The following NEK8 variants were observed in gnomAD, a reference collection of about 807,000 sequenced individuals.
NEK8 encodes the protein NIMA related kinase 8.
In NEK8, 51 loss-of-function variants were observed where a neutral mutation model predicts 77.2. The observed-to-expected ratio is 0.66, with a 90% confidence interval of 0.53 to 0.83. The LOEUF is 0.83. NEK8 is among the 40% of genes least tolerant of loss of function. The pLI is 0.00. For missense variants in NEK8, 787 were observed against 909.2 expected, an observed-to-expected ratio of 0.87 and a Z score of 1.73; for synonymous variants, 365 against 363.2, an observed-to-expected ratio of 1.00 and a Z score of -0.06.
In NEK8 at chr17:28,737,123, G is replaced by T; in HGVS notation, c.619-183G>T. On this transcript the variant is annotated intron_variant, in intron 4 of 14. Coordinates refer to ENST00000268766, the MANE Select transcript of NEK8 (RefSeq NM_178170.3). This position sits in a 1 kb window ranked among gnomAD's most constrained non-coding sequence, Gnocchi z 4.8. ...TCTGAGGGCTCTGTTCTGTTCCATT[G>T]GTCTATATCTCTGTTTTGGTACCAG... Among the ~76,000 whole-genome samples, 1 of 152,170 alleles carries T rather than the reference G, an allele frequency of 6.6e-6. No individual in the cohort carries two copies. Among genetic ancestry groups the T allele is most frequent in the Non-Finnish European group, 1.5e-5 (1 of 68,016 alleles).
chr17:28,733,591 G>C (rs138052517), intron 1 of NEK8, among the ~76,000 whole-genome samples: 182 of 152,294 alleles, frequency 1.2e-3, no homozygotes, highest in Non-Finnish European at 2.0e-3. Flanking sequence ...CTTTGTGCTG[G>C]TCACTGCACT....
rs770059563 is a variant in NEK8, at chr17:28,742,942, G to C, written c.*955G>C. On this transcript the variant is annotated 3_prime_UTR_variant, in exon 15 of 15. Coordinates refer to ENST00000268766, the MANE Select transcript of NEK8 (RefSeq NM_178170.3). ...ACAAAAATTAACCAGGCATGGTGAC[G>C]GGCGCCTGTAATCCCAGCTACTCTG... 6.6e-6 allele frequency: 1 copy of C among 151,630 alleles called. No individual in the cohort carries two copies. Among genetic ancestry groups the C allele is most frequent in the Non-Finnish European group, 1.5e-5 (1 of 67,910 alleles). The allele number at this position is 151,630 out of a possible 1,614,324, so 9.4% of individuals were successfully genotyped here. A position where few individuals can be genotyped will look rare whatever the true frequency, so the allele number is the denominator to read the frequency against.
At position 28,742,098 on chromosome 17, in the gene NEK8, A is replaced by G; in HGVS notation, c.*111A>G. The stretch of plus-strand genomic sequence containing the variant: ...CAGCTGTCTCCTGGATTGTGTCATC[A>G]TGGGGTATCAGGGCTGGCAAAACCC... On this transcript the variant is annotated 3_prime_UTR_variant, in exon 15 of 15. Coordinates refer to ENST00000268766, the MANE Select transcript of NEK8 (RefSeq NM_178170.3). 1 of 1,119,490 alleles carries G rather than the reference A, an allele frequency of 8.9e-7. No individual in the cohort carries two copies. Among genetic ancestry groups the G allele is most frequent in the Non-Finnish European group, 1.4e-6 (1 of 729,470 alleles). The allele number at this position is 1,119,490 out of a possible 1,614,324, so 69.3% of individuals were successfully genotyped here. A position where few individuals can be genotyped will look rare whatever the true frequency, so the allele number is the denominator to read the frequency against.
chr17:28,737,476 C>T lies in NEK8; in HGVS notation c.789C>T (p.Leu263=). ...MAQPLCIRAL[L]NLHTDVGSVR... ...AGCCCCTCTGCATCCGTGCCCTCCT[C>T]AACCTCCACACCGACGTGGGCAGTG... The change falls in exon 5 of 15, where the codon CTC becomes CTT. Residue 263 remains leucine (L), a synonymous_variant. Transcript: ENST00000268766. The surrounding 1 kb of genome is among the most constrained non-coding windows in gnomAD (Gnocchi z 4.8). 6.2e-7 allele frequency: 1 copy of T among 1,613,120 alleles called. No individual in the cohort carries two copies. The highest frequency in any genetic ancestry group is 1.1e-5 in the South Asian group (1 of 91,088).
chr17:28,730,516 C>T (rs919747217), intron 1 of NEK8, among the ~76,000 whole-genome samples: 8 of 152,120 alleles, frequency 5.3e-5, no homozygotes, highest in Non-Finnish European at 1.2e-4. Context: ...TCAGGCGATC[C>T]ACCTGCTTCT....
At position 28,737,241 on chromosome 17, in the gene NEK8, C is replaced by A; in HGVS notation, c.619-65C>A. 6.6e-7 allele frequency: 1 copy of A among 1,509,414 alleles called. No individual in the cohort carries two copies. Among genetic ancestry groups the A allele is most frequent in the Non-Finnish European group, 9.0e-7 (1 of 1,111,954 alleles). 93.5% of individuals were successfully genotyped at this position (1,509,414 alleles called of 1,614,324 possible). ...GCAAAGCTGTTATTATCCCAGGAGA[C>A]CAGGGGCTGGAGCTGGGGGGTGCTG... On this transcript the variant is annotated intron_variant, in intron 4 of 14. Coordinates refer to ENST00000268766, the MANE Select transcript of NEK8 (RefSeq NM_178170.3). This position sits in a 1 kb window ranked among gnomAD's most constrained non-coding sequence, Gnocchi z 4.8.
chr17:28,731,736 T>A (rs1015445861), intron 1 of NEK8, among the ~76,000 whole-genome samples: 1 of 149,528 alleles, frequency 6.7e-6, no homozygotes, highest in Non-Finnish European at 1.5e-5. Context: ...CCCTAGCAGC[T>A]GGAACTACAG....
rs980896989 is a variant in NEK8, at chr17:28,728,986, C to G, written c.47+126C>G. On this transcript the variant is annotated intron_variant, in intron 1 of 14. Coordinates refer to ENST00000268766, the MANE Select transcript of NEK8 (RefSeq NM_178170.3). ...TGAGCGCCACTCTGGGAAGCCCCGCCCAAGCTTCCGGTCCCAGTCCCCCGG... is the reference window on the plus strand; with the variant it reads ...TGAGCGCCACTCTGGGAAGCCCCGCGCAAGCTTCCGGTCCCAGTCCCCCGG... The G allele has an allele frequency of 1.4e-5, 12 of 882,934 alleles. 2 individuals carry two copies. Among genetic ancestry groups the G allele is most frequent in the South Asian group, 1.3e-4 (9 of 68,482 alleles). 54.7% of individuals were successfully genotyped at this position (882,934 alleles called of 1,614,324 possible).
Position 28,741,043 on chromosome 17 carries a change from T to C in NEK8, c.1733-35T>C. The C allele has an allele frequency of 6.2e-7, 1 of 1,614,146 alleles. No individual in the cohort carries two copies. The highest frequency in any genetic ancestry group is 1.1e-5 in the South Asian group (1 of 91,088). On this transcript the variant is annotated intron_variant, in intron 12 of 14. Transcript: ENST00000268766. This position sits in a 1 kb window ranked among gnomAD's most constrained non-coding sequence, Gnocchi z 4.5. ...GGGACTCACGGTCTCCTTGGTACCC[T>C]GTTGAAGCACCCCTTTCCTTCCTCT...
At position 28,740,673 on chromosome 17, in the gene NEK8, G is replaced by A. The variant is rs757493338; in HGVS notation, c.1568+60G>A. Reference sequence around the variant, plus strand: ...GGCTCTCCTTGGCTGCAAGTGCTCCGTCCATCATTGCCTACCTTTCACCAA... The same window carrying A: ...GGCTCTCCTTGGCTGCAAGTGCTCCATCCATCATTGCCTACCTTTCACCAA... On this transcript the variant is annotated intron_variant, in intron 11 of 14. Transcript: ENST00000268766. This position sits in a 1 kb window ranked among gnomAD's most constrained non-coding sequence, Gnocchi z 4.7. 4.0e-4 allele frequency: 636 copies of A among 1,597,944 alleles called. No homozygotes were observed. The highest frequency in any genetic ancestry group is 5.2e-4 in the Non-Finnish European group (602 of 1,165,870).
At chr17:28,736,954 G>A (rs1207000901) in intron 4 of NEK8, among the ~76,000 whole-genome samples, 1 of 152,170 alleles carries the variant, frequency 6.6e-6, no homozygotes, top group Admixed American at 6.5e-5. Context: ...TGTATAAGGT[G>A]TAAGGAAGGG....
In NEK8 at chr17:28,742,092, G is replaced by T; in HGVS notation, c.*105G>T. ...GACTTGCAGCTGTCTCCTGGATTGTGTCATCATGGGGTATCAGGGCTGGCA... is the reference window on the plus strand; with the variant it reads ...GACTTGCAGCTGTCTCCTGGATTGTTTCATCATGGGGTATCAGGGCTGGCA... On this transcript the variant is annotated 3_prime_UTR_variant, in exon 15 of 15. Transcript: ENST00000268766. The T allele has an allele frequency of 1.7e-6, 2 of 1,149,690 alleles. No individual in the cohort carries two copies. The highest frequency in any genetic ancestry group is 1.3e-6 in the Non-Finnish European group (1 of 756,756). 71.2% of individuals were successfully genotyped at this position (1,149,690 alleles called of 1,614,324 possible).
At chr17:28,739,310 C>A in intron 10 of NEK8, 109 bp downstream of exon 10, 1 of 813,636 alleles carries the variant, frequency 1.2e-6, no homozygotes, top group South Asian at 1.3e-5. Context: ...TCTTTTCTCT[C>A]AAATTCTCTT....
intron 4 of NEK8, 45 bp downstream of exon 4, chr17:28,735,416 C>A: frequency 6.3e-7 from 1 of 1,597,292 alleles, no homozygotes. Flanking sequence ...AATCTACTGC[C>A]TCGCCCAGCA....
rs62066806 is a variant in NEK8, at chr17:28,741,936, G to C, written c.2051-23G>C. On this transcript the variant is annotated intron_variant, in intron 14 of 14. Coordinates refer to ENST00000268766, the MANE Select transcript of NEK8 (RefSeq NM_178170.3). This position sits in a 1 kb window ranked among gnomAD's most constrained non-coding sequence, Gnocchi z 4.5. Reference sequence around the variant, plus strand: ...AGGCACTGCCCTCAGAAGCTGCAAGGGTTTCTCTTCGGTACCCTCCAGCGG... The same window carrying C: ...AGGCACTGCCCTCAGAAGCTGCAAGCGTTTCTCTTCGGTACCCTCCAGCGG... 11,303 of 1,613,892 alleles carry C rather than the reference G, an allele frequency of 7.0e-3. 51 individuals carry two copies. Among genetic ancestry groups the C allele is most frequent in the Non-Finnish European group, 8.5e-3 (10,000 of 1,179,860 alleles).
At chr17:28,736,407 C>T (rs1402292899) in intron 4 of NEK8, among the ~76,000 whole-genome samples, 1 of 152,166 alleles carries the variant, frequency 6.6e-6, no homozygotes, top group Non-Finnish European at 1.5e-5. Context: ...TAAAAGTGTT[C>T]CTATTTCTCC....
Position 28,741,391 on chromosome 17 carries a change from T to C in NEK8, c.1892-22T>C. The C allele has an allele frequency of 6.2e-7, 1 of 1,612,486 alleles. No homozygotes were observed. The highest frequency in any genetic ancestry group is 8.5e-7 in the Non-Finnish European group (1 of 1,179,262). On this transcript the variant is annotated intron_variant, in intron 13 of 14. Transcript: ENST00000268766. This position sits in a 1 kb window ranked among gnomAD's most constrained non-coding sequence, Gnocchi z 4.5. The stretch of plus-strand genomic sequence containing the variant: ...GGGCTGTGCCCACTTCCCACTTCCC[T>C]CCTGGGGATTCTTCCTGGCAGAGAG...
chr17:28,737,728 G>A lies in NEK8; in HGVS notation c.881G>A (p.Arg294His), dbSNP rs762967348. The A allele has an allele frequency of 2.7e-5, 44 of 1,613,988 alleles. 1 individual carries two copies. Among genetic ancestry groups the A allele is most frequent in the Admixed American group, 5.0e-5 (3 of 60,002 alleles). Reference protein sequence around the residue: ...SNTGSRTTSVRCRGIPRGPVR... With the variant: ...SNTGSRTTSVHCRGIPRGPVR... ...ACAGGGAGCAGGACCACCAGTGTCC[G>A]CTGCAGAGGTAAGTGGGAAGAGGCC... Residue 294 changes from arginine to histidine, a missense_variant, in exon 6 of 15, where the codon CGC becomes CAC. Arg to His is a conservative substitution (Grantham distance 29, BLOSUM62 0). This residue lies in a region of NEK8 where 516 missense variants were observed against 544.0 expected (regional missense o/e 0.95). Coordinates refer to ENST00000268766, the MANE Select transcript of NEK8 (RefSeq NM_178170.3). This position sits in a 1 kb window ranked among gnomAD's most constrained non-coding sequence, Gnocchi z 4.8.
Position 28,737,699 on chromosome 17 carries a change from C to A in NEK8, c.852C>A (p.Ser284Arg), listed in dbSNP as rs901017983. 2 of 1,614,162 alleles carry A rather than the reference C, an allele frequency of 1.2e-6. No individual in the cohort carries two copies. The highest frequency in any genetic ancestry group is 1.7e-6 in the Non-Finnish European group (2 of 1,180,012). The change falls in exon 6 of 15, where the codon AGC (serine) becomes AGA (arginine). Residue 284 changes from serine (S) to arginine (R), a missense_variant. Around this residue, in one of 2 missense-constraint regions of NEK8, gnomAD observed 516 missense variants for 544.0 expected, o/e 0.95. Transcript: ENST00000268766. This position sits in a 1 kb window ranked among gnomAD's most constrained non-coding sequence, Gnocchi z 4.8. ...MRRAEKSVAPSNTGSRTTSVR... is the reference protein window; with the variant it reads ...MRRAEKSVAPRNTGSRTTSVR... The stretch of plus-strand genomic sequence containing the variant: ...GGGCAGAGAAGTCCGTGGCCCCCAG[C>A]AACACAGGGAGCAGGACCACCAGTG...
Sources: allele counts gnomAD v4.1 joint callset (sites outside exome capture counted in the v4.1 genomes callset), GRCh38; gene constraint gnomAD v4.1.1; regional missense constraint gnomAD v4.1.1; non-coding constraint Gnocchi (gnomAD v3.1); transcripts MANE v1.5; gene names NCBI Gene and HGNC (gene_info 2026-07-23, HGNC 2026-07-21).